DLGAP1: variants seen among roughly 807,000 people sequenced by gnomAD.
DLGAP1 encodes the protein DLG associated protein 1, also known as disks large-associated protein 1.
Under a neutral mutation model 90.8 loss-of-function variants are expected in DLGAP1, and 11 were observed. The observed-to-expected ratio is 0.12, with a 90% confidence interval of 0.08 to 0.20. DLGAP1 has a LOEUF of 0.20. DLGAP1 is among the 10% of genes least tolerant of loss of function. The probability of loss-of-function intolerance (pLI) is 1.00; values close to 1 mark genes in which losing one functional copy is unlikely to be tolerated. For synonymous variants in DLGAP1, 558 were observed against 540.7 expected (o/e 1.03, Z -0.44); for missense variants, 1,050 against 1,333.8 (o/e 0.79, Z 3.31).
At chr18:4,233,937 ATAC>A (rs1188642250) in intron 1 of DLGAP1, among the ~76,000 whole-genome samples, 1 of 152,108 alleles carries the variant, frequency 6.6e-6, no homozygotes, top group African/African-American at 2.4e-5. Flanking sequence ...CTGTCATGCT[ATAC>A]TACATCATAC....
intron 1 of DLGAP1, among the ~76,000 whole-genome samples, chr18:4,355,924 A>C (rs1426575930): frequency 1.4e-5 from 2 of 142,892 alleles, no homozygotes; most frequent in Admixed American, 7.2e-5. Context: ...TGCCTTTAAT[A>C]CCTCTCCTAT....
At chr18:3,681,239 TAGAGTC>T (rs1420278692) in intron 7 of DLGAP1, among the ~76,000 whole-genome samples, 2 of 152,140 alleles carry the variant, frequency 1.3e-5, no homozygotes, top group Non-Finnish European at 2.9e-5. Flanking sequence ...TTTAGTTTCT[TAGAGTC>T]AGAGATAATG....
rs1446304471 is a variant in DLGAP1 at position 3,560,819 on chromosome 18, T to C, written c.2057+6671A>G. 6.0e-5 allele frequency among the ~76,000 whole-genome samples: 9 copies of C among 150,916 alleles called. 1 individual carries two copies. Among genetic ancestry groups the C allele is most frequent in the African/African-American group, 2.0e-4 (8 of 40,274 alleles). The stretch of plus-strand genomic sequence containing the variant: ...AATTTTCCATTGAGCATTTATGTGA[T>C]TGAATTTTCTTTTCTTTCTTAGCAT... On this transcript the variant is annotated intron_variant, in intron 9 of 12. Transcript: ENST00000315677.
chr18:4,409,810 C>T (rs2082738986), intron 1 of DLGAP1, among the ~76,000 whole-genome samples: 2 of 151,778 alleles, frequency 1.3e-5, no homozygotes, highest in Non-Finnish European at 2.9e-5. Flanking sequence ...TGGGTATCTA[C>T]CCAGAGGAAA....
chr18:4,341,319 T>A (rs1165562361), intron 1 of DLGAP1, among the ~76,000 whole-genome samples: 5 of 152,132 alleles, frequency 3.3e-5, no homozygotes, highest in Non-Finnish European at 7.4e-5. Context: ...AAATCGCTTA[T>A]GTACTAAGAA....
intron 3 of DLGAP1, among the ~76,000 whole-genome samples, chr18:3,920,578 T>G (rs553731263): frequency 6.6e-6 from 1 of 152,026 alleles, no homozygotes; most frequent in Non-Finnish European, 1.5e-5. Context: ...TTTTCCCCAA[T>G]AGCTAGGAGG....
Position 3,565,209 on chromosome 18 carries a change from C to T in DLGAP1, c.2057+2281G>A, listed in dbSNP as rs371967262. Among the ~76,000 whole-genome samples the T allele has an allele frequency of 3.9e-5, 6 of 152,088 alleles. 1 individual carries two copies. Among genetic ancestry groups the T allele is most frequent in the Admixed American group, 2.0e-4 (3 of 15,270 alleles). On this transcript the variant is annotated intron_variant, in intron 9 of 12. Coordinates refer to ENST00000315677, the MANE Select transcript of DLGAP1 (RefSeq NM_004746.4). The surrounding 1 kb of genome is among the most constrained non-coding windows in gnomAD (Gnocchi z 4.0). ...TGCCACCCAGGCTGGAGCGCAATGG[C>T]GTCATCTTGGCTCACTGCAATCTCT...
At chr18:4,201,239 T>A (rs1202732281) in intron 1 of DLGAP1, among the ~76,000 whole-genome samples, 2 of 151,980 alleles carry the variant, frequency 1.3e-5, no homozygotes, top group African/African-American at 4.8e-5. Flanking sequence ...TCCAGAAGAG[T>A]TTTTCCTCCA....
chr18:4,323,256 T>A (rs2080740067), intron 1 of DLGAP1, among the ~76,000 whole-genome samples: 1 of 152,134 alleles, frequency 6.6e-6, no homozygotes, highest in South Asian at 2.1e-4. Flanking sequence ...CTTATACTTG[T>A]AAAAATGGGT....
At chr18:3,984,043 G>T (rs1451990841) in intron 3 of DLGAP1, 1 of 152,162 alleles carries the variant, frequency 6.6e-6, no homozygotes, top group African/African-American at 2.4e-5. Flanking sequence ...GAAAATAAAA[G>T]ATCCTCACGG....
chr18:4,314,094 A>G (rs549493193), intron 1 of DLGAP1, among the ~76,000 whole-genome samples: 1 of 152,224 alleles, frequency 6.6e-6, no homozygotes, highest in African/African-American at 2.4e-5. Flanking sequence ...CCCCTTCCTC[A>G]TGCAGATGTA....
intron 7 of DLGAP1, among the ~76,000 whole-genome samples, chr18:3,588,679 C>T (rs533764700): frequency 6.6e-6 from 1 of 150,474 alleles, no homozygotes; most frequent in South Asian, 2.1e-4. Flanking sequence ...ACTCAGGAGG[C>T]TGAGGCAGGA....
chr18:3,745,871 T>C (rs1194729340), intron 5 of DLGAP1, among the ~76,000 whole-genome samples: 1 of 151,966 alleles, frequency 6.6e-6, no homozygotes, highest in Non-Finnish European at 1.5e-5. Context: ...TGTATTTTTG[T>C]AGAGAAGGGG....
intron 1 of DLGAP1, among the ~76,000 whole-genome samples, chr18:4,290,029 A>AT (rs1240881498): frequency 1.3e-5 from 2 of 152,166 alleles, no homozygotes; most frequent in Non-Finnish European, 1.5e-5. Flanking sequence ...AAAGGAAATA[A>AT]TGGCAGAAGT....
chr18:3,913,544 A>G (rs1052075108), intron 3 of DLGAP1, among the ~76,000 whole-genome samples: 1 of 152,224 alleles, frequency 6.6e-6, no homozygotes, highest in Admixed American at 6.5e-5. Context: ...TACTTTTTCT[A>G]CTTTCTATGC....
At chr18:4,391,562 C>A (rs184256261) in intron 1 of DLGAP1, among the ~76,000 whole-genome samples, 1 of 152,166 alleles carries the variant, frequency 6.6e-6, no homozygotes, top group Non-Finnish European at 1.5e-5. Flanking sequence ...TGGTGAAGAT[C>A]CCCTTAGCTT....
chr18:4,320,899 C>A (rs948694010), intron 1 of DLGAP1, among the ~76,000 whole-genome samples: 14 of 152,130 alleles, frequency 9.2e-5, no homozygotes, highest in African/African-American at 3.1e-4. Context: ...TTTAATAAAG[C>A]CTTTCTGGGC....
intron 8 of DLGAP1, chr18:3,580,333 C>A (rs1291662893): frequency 1.9e-6 from 3 of 1,613,784 alleles, no homozygotes; most frequent in Non-Finnish European, 2.5e-6. Flanking sequence ...TTTTTCAGTG[C>A]GCGAAATGTA....
chr18:3,851,782 CATT>C (rs1232464826), intron 4 of DLGAP1, among the ~76,000 whole-genome samples: 1 of 152,120 alleles, frequency 6.6e-6, no homozygotes, highest in African/African-American at 2.4e-5. Context: ...CATAACCCAA[CATT>C]GTTATTAATT....
Sources: allele counts gnomAD v4.1 joint callset (sites outside exome capture counted in the v4.1 genomes callset), GRCh38; gene constraint gnomAD v4.1.1; non-coding constraint Gnocchi (gnomAD v3.1); transcripts MANE v1.5; gene names NCBI Gene and HGNC (gene_info 2026-07-23, HGNC 2026-07-21).